Variants in IL1RAPL2 observed in about 807,000 individuals in gnomAD.
IL1RAPL2 encodes X-linked interleukin-1 receptor accessory protein-like 2.
In IL1RAPL2, 3 loss-of-function variants were observed where a neutral mutation model predicts 44.1. The observed-to-expected ratio is 0.07, with a 90% CI of 0.03 to 0.18. The LOEUF is 0.18. Ranked by LOEUF, IL1RAPL2 falls within the 10% of genes least tolerant of loss-of-function variation. IL1RAPL2 has a pLI of 1.00. For synonymous variants in IL1RAPL2, 181 were observed against 178.8 expected, an observed-to-expected ratio of 1.01 and a Z score of -0.10; for missense variants, 391 against 496.4, an observed-to-expected ratio of 0.79 and a Z score of 2.02.
chrX:104,902,509 A>C (rs1407721820), intron 2 of IL1RAPL2, among the ~76,000 whole-genome samples: 1 of 112,224 alleles, frequency 8.9e-6, no homozygotes, highest in African/African-American at 3.2e-5. Context: ...GCCAGTAAAC[A>C]TGCTGTTAAC....
intron 2 of IL1RAPL2, among the ~76,000 whole-genome samples, chrX:104,827,067 G>T (rs1299270201): frequency 9.6e-6 from 1 of 103,961 alleles, no homozygotes; most frequent in Non-Finnish European, 1.9e-5. Flanking sequence ...GATTGGTCTT[G>T]ACTCTTTATC....
At position 105,168,466 on chromosome X, in the gene IL1RAPL2, AAG is replaced by A. The variant is rs113784647; in HGVS notation, c.83-27000_83-26999del. ...GTGTGTGTGTGTGCACGTGCATGTA[AAG>A]AGAGAGAGGGGGAGGGAAGGAGGAA... On this transcript the variant is annotated intron_variant, in intron 2 of 10. Coordinates refer to ENST00000372582, the MANE Select transcript of IL1RAPL2 (RefSeq NM_017416.2). Among the ~76,000 whole-genome samples, 22 of 95,021 alleles carry A rather than the reference AAG, an allele frequency of 2.3e-4. 1 individual carries two copies. Among genetic ancestry groups the A allele is most frequent in the African/African-American group, 4.8e-4 (11 of 22,822 alleles). The allele number at this position is 95,021 out of a possible 115,157, so 82.5% of individuals were successfully genotyped here. A position where few individuals can be genotyped will look rare whatever the true frequency, so the allele number is the denominator to read the frequency against.
At chrX:104,948,144 G>A (rs1186930923) in intron 2 of IL1RAPL2, among the ~76,000 whole-genome samples, 3 of 106,830 alleles carry the variant, frequency 2.8e-5, no homozygotes, top group Non-Finnish European at 5.8e-5. Context: ...TCCCTTGTAA[G>A]TTGGATTCCT....
intron 2 of IL1RAPL2, among the ~76,000 whole-genome samples, chrX:104,808,709 G>T (rs1385861088): frequency 2.7e-5 from 3 of 111,932 alleles, no homozygotes; most frequent in Non-Finnish European, 3.8e-5. Context: ...GGAGATGGGG[G>T]ACTGGAGAGA....
At chrX:104,910,634 C>A (rs181208623) in intron 2 of IL1RAPL2, among the ~76,000 whole-genome samples, 21 of 111,592 alleles carry the variant, frequency 1.9e-4, no homozygotes, top group Admixed American at 6.7e-4. Context: ...GTCAGTACAG[C>A]AAACTTGAAT....
At chrX:104,901,826 A>G (rs1027458806) in intron 2 of IL1RAPL2, among the ~76,000 whole-genome samples, 7 of 111,737 alleles carry the variant, frequency 6.3e-5, no homozygotes, top group African/African-American at 2.3e-4. Context: ...CTACAAGGTC[A>G]TCGTCATTGT....
chrX:104,753,580 G>T (rs974241550), intron 2 of IL1RAPL2, among the ~76,000 whole-genome samples: 1 of 111,507 alleles, frequency 9.0e-6, no homozygotes, highest in African/African-American at 3.3e-5. Flanking sequence ...TGAATTTATT[G>T]TCCAGTGAAC....
rs775274413 is a variant in IL1RAPL2 at position 104,566,317 on chromosome X, G to C, written c.-754G>C. 1 of 113,016 alleles carries C rather than the reference G, an allele frequency of 8.8e-6. No homozygotes were observed. Among genetic ancestry groups the C allele is most frequent in the South Asian group, 3.6e-4 (1 of 2,760 alleles). The allele number at this position is 113,016 out of a possible 1,213,427, so 9.3% of individuals were successfully genotyped here. On this transcript the variant is annotated 5_prime_UTR_variant, in exon 1 of 11. It removes the in-frame stop codon of an upstream open reading frame in the 5' UTR. Transcript: ENST00000372582. Reference sequence around the variant, plus strand: ...GGCGGCAGCAGCGGTGGCAGGATGTGAGGCGAGCCTGGAGCTCATTTCCAG... The same window carrying C: ...GGCGGCAGCAGCGGTGGCAGGATGTCAGGCGAGCCTGGAGCTCATTTCCAG...
intron 2 of IL1RAPL2, among the ~76,000 whole-genome samples, chrX:105,088,752 A>G (rs780755466): frequency 1.8e-5 from 2 of 111,717 alleles, no homozygotes; most frequent in South Asian, 3.8e-4. Flanking sequence ...TCCTTAATGA[A>G]TGTAACATCA....
At chrX:104,710,672 T>G (rs1308736452) in intron 2 of IL1RAPL2, among the ~76,000 whole-genome samples, 1 of 111,250 alleles carries the variant, frequency 9.0e-6, no homozygotes, top group African/African-American at 3.3e-5. Flanking sequence ...ACTCATTTGC[T>G]GCGTAACATG....
intron 7 of IL1RAPL2, among the ~76,000 whole-genome samples, chrX:105,737,444 C>CA (rs1187558150): frequency 5.4e-5 from 6 of 110,842 alleles, no homozygotes; most frequent in Non-Finnish European, 1.1e-4. Flanking sequence ...TCTTTAATTC[C>CA]AAAAAACACA....
intron 2 of IL1RAPL2, among the ~76,000 whole-genome samples, chrX:105,050,857 G>A (rs1355692397): frequency 8.9e-6 from 1 of 112,656 alleles, no homozygotes; most frequent in East Asian, 2.8e-4. Flanking sequence ...CAGGCAGATT[G>A]TTCAGACATC....
At chrX:105,155,721 C>T (rs112414641) in intron 2 of IL1RAPL2, among the ~76,000 whole-genome samples, 9,462 of 110,348 alleles carry the variant, frequency 0.086, 1,000 homozygotes, top group African/African-American at 0.3. Context: ...TTGAATAGAA[C>T]GACAGAACAG....
chrX:105,266,279 T>A, intron 4 of IL1RAPL2, among the ~76,000 whole-genome samples: 1 of 110,642 alleles, frequency 9.0e-6, no homozygotes, highest in Middle Eastern at 4.6e-3. Flanking sequence ...TGACCTCAAG[T>A]GATCCGCCTG....
At chrX:105,012,641 TCTCTCA>T (rs1462663758) in intron 2 of IL1RAPL2, among the ~76,000 whole-genome samples, 38 of 61,639 alleles carry the variant, frequency 6.2e-4, no homozygotes, top group Middle Eastern at 7.1e-3. Context: ...TCTCTCTCTC[TCTCTCA>T]CACACACACA....
At chrX:105,570,429 A>C (rs979433105) in intron 6 of IL1RAPL2, among the ~76,000 whole-genome samples, 4 of 112,029 alleles carry the variant, frequency 3.6e-5, no homozygotes, top group African/African-American at 1.3e-4. Flanking sequence ...TGACTTTTTC[A>C]TATAATGACT....
chrX:105,707,523 T>C (rs1020232129), intron 6 of IL1RAPL2, among the ~76,000 whole-genome samples: 2 of 111,994 alleles, frequency 1.8e-5, no homozygotes, highest in Non-Finnish European at 3.8e-5. Context: ...TTAAAGACTG[T>C]AACATTTATT....
intron 2 of IL1RAPL2, among the ~76,000 whole-genome samples, chrX:104,831,659 ATAT>A (rs1921610980): frequency 9.0e-6 from 1 of 111,721 alleles, no homozygotes; most frequent in Non-Finnish European, 1.9e-5. Context: ...TGATTCTTAA[ATAT>A]TATGCATTTA....
At chrX:104,796,547 G>A (rs769071174) in intron 2 of IL1RAPL2, among the ~76,000 whole-genome samples, 1 of 112,004 alleles carries the variant, frequency 8.9e-6, no homozygotes, top group African/African-American at 3.2e-5. Context: ...CCTAATCTAT[G>A]CATTGTGCGG....
Sources: allele counts gnomAD v4.1 joint callset (sites outside exome capture counted in the v4.1 genomes callset), GRCh38; gene constraint gnomAD v4.1.1; transcripts MANE v1.5; gene names NCBI Gene and HGNC (gene_info 2026-07-23, HGNC 2026-07-21).